The following SERPINB5 variants were observed in gnomAD, a reference collection of about 807,000 sequenced individuals.
SERPINB5 encodes serpin B5.
Under a neutral mutation model 32.2 loss-of-function variants are expected in SERPINB5, and 27 were observed. That is an observed-to-expected ratio of 0.84 (90% CI 0.62 to 1.16). The LOEUF is 1.16. SERPINB5 is among the 50% of genes most tolerant of loss of function. The probability of loss-of-function intolerance (pLI) is 0.00; values close to 1 mark genes in which losing one functional copy is unlikely to be tolerated. For synonymous variants in SERPINB5, 154 were observed against 157.4 expected (o/e 0.98, Z 0.16); for missense variants, 388 against 436.3 (o/e 0.89, Z 0.99).
chr18:63,487,961 G>A (rs1490115960), intron 3 of SERPINB5, among the ~76,000 whole-genome samples: 9 of 151,572 alleles, frequency 5.9e-5, no homozygotes, highest in African/African-American at 1.9e-4. Flanking sequence ...TATATTTTTT[G>A]TTGCTTAAAG....
At chr18:63,499,047 G>GTGTATATATATA (rs376117295) in intron 5 of SERPINB5, 73 bp from the exon 6 acceptor site, 152 of 497,822 alleles carry the variant, frequency 3.1e-4, no homozygotes, top group East Asian at 1.5e-3. Flanking sequence ...GCGCGTGTGT[G>GTGTATATATATA]TATATATATA....
intron 5 of SERPINB5, among the ~76,000 whole-genome samples, chr18:63,497,608 A>G (rs1328740747): frequency 6.6e-6 from 1 of 152,202 alleles, no homozygotes; most frequent in African/African-American, 2.4e-5. Flanking sequence ...TTTAAAAATT[A>G]TGCAATACTC....
chr18:63,497,440 C>A, intron 5 of SERPINB5: 1 of 795,966 alleles, frequency 1.3e-6, no homozygotes, highest in Non-Finnish European at 2.1e-6. Context: ...GCTGCTGCGG[C>A]TGCACACCAT....
Position 63,504,618 on chromosome 18 carries a change from C to T in SERPINB5, c.*896C>T, listed in dbSNP as rs1909641284. ...TCACTTTCATTTTTGATAGCTGTCC[C>T]ATCTGGTCATTTGGTTGGCACTAGA... On this transcript the variant is annotated 3_prime_UTR_variant, in exon 7 of 7. Transcript: ENST00000382771. The T allele has an allele frequency of 6.6e-6, 1 of 152,148 alleles. No individual in the cohort carries two copies. The highest frequency in any genetic ancestry group is 6.6e-5 in the Admixed American group (1 of 15,258). 9.4% of individuals were successfully genotyped at this position (152,148 alleles called of 1,614,324 possible).
intron 2 of SERPINB5, chr18:63,485,509 A>T (rs1226727848): frequency 6.6e-6 from 1 of 152,264 alleles, no homozygotes; most frequent in African/African-American, 2.4e-5. Flanking sequence ...TGAAGAATTT[A>T]CACTTGGGAC....
intron 5 of SERPINB5, chr18:63,497,203 G>T: frequency 1.4e-6 from 1 of 699,402 alleles, no homozygotes. Flanking sequence ...GTTTATTGGT[G>T]CTGAGGCAGA....
chr18:63,499,599 G>A (rs1331636126), intron 6 of SERPINB5, among the ~76,000 whole-genome samples: 2 of 152,212 alleles, frequency 1.3e-5, no homozygotes, highest in Non-Finnish European at 2.9e-5. Flanking sequence ...CAGTGAGGGA[G>A]CTGAGGCACA....
At chr18:63,496,056 T>C (rs754927475) in intron 5 of SERPINB5, among the ~76,000 whole-genome samples, 13 of 152,214 alleles carry the variant, frequency 8.5e-5, no homozygotes, top group Admixed American at 3.3e-4. Flanking sequence ...TATCCATATA[T>C]ATCTATATTA....
At chr18:63,481,014 G>A (rs557723784) in intron 1 of SERPINB5, among the ~76,000 whole-genome samples, 1 of 152,300 alleles carries the variant, frequency 6.6e-6, no homozygotes, top group East Asian at 1.9e-4. Context: ...GCATGCAAAG[G>A]AAGGGACTCA....
intron 1 of SERPINB5, among the ~76,000 whole-genome samples, chr18:63,481,739 T>C (rs1917130237): frequency 6.6e-6 from 1 of 152,246 alleles, no homozygotes; most frequent in Non-Finnish European, 1.5e-5. Flanking sequence ...AAGAGTTTCT[T>C]TATGTTTTCC....
chr18:63,482,919 T>C (rs1917147470), intron 1 of SERPINB5, among the ~76,000 whole-genome samples: 1 of 138,256 alleles, frequency 7.2e-6, no homozygotes, highest in South Asian at 2.2e-4. Context: ...TGATATTGTT[T>C]TTCATTTTTG....
chr18:63,498,689 C>T lies in SERPINB5; in HGVS notation c.568-431C>T, dbSNP rs1909501561. Among the ~76,000 whole-genome samples, 1 of 151,888 alleles carries T rather than the reference C, an allele frequency of 6.6e-6. No individual in the cohort carries two copies. Among genetic ancestry groups the T allele is most frequent in the Non-Finnish European group, 1.5e-5 (1 of 67,990 alleles). On this transcript the variant is annotated intron_variant, in intron 5 of 6. Transcript: ENST00000382771. This position sits in a 1 kb window ranked among gnomAD's most constrained non-coding sequence, Gnocchi z 4.2. ...GGTTTCAGTGCAATACAGTTTGGAT[C>T]TGAGTGGATGATGAATTATAAGCCA...
chr18:63,489,142 T>G (rs1489455982), intron 3 of SERPINB5, among the ~76,000 whole-genome samples: 2 of 152,270 alleles, frequency 1.3e-5, no homozygotes, highest in Non-Finnish European at 2.9e-5. Context: ...ATTTAATAAT[T>G]GAAATTGTCT....
At chr18:63,495,966 G>T (rs950308942) in intron 5 of SERPINB5, among the ~76,000 whole-genome samples, 4 of 152,154 alleles carry the variant, frequency 2.6e-5, no homozygotes, top group African/African-American at 4.8e-5. Context: ...GCCCCGTGGT[G>T]TCTCCGGTAA....
intron 1 of SERPINB5, among the ~76,000 whole-genome samples, chr18:63,483,564 G>A (rs148159987): frequency 3.3e-5 from 5 of 152,314 alleles, no homozygotes; most frequent in African/African-American, 1.2e-4. Flanking sequence ...TGACGATGTC[G>A]GCAGGGTCAT....
At chr18:63,493,360 T>G (rs1187965330) in intron 5 of SERPINB5, 1 of 568,858 alleles carries the variant, frequency 1.8e-6, no homozygotes, top group Non-Finnish European at 3.1e-6. Flanking sequence ...GAAAGCTAAG[T>G]CACCAGCTGA....
chr18:63,502,123 G>GAA (rs1568113136), intron 6 of SERPINB5, among the ~76,000 whole-genome samples: 3 of 148,044 alleles, frequency 2.0e-5, no homozygotes, highest in African/African-American at 7.5e-5. Flanking sequence ...ATGACCTTTT[G>GAA]AGTTTTGGAA....
chr18:63,492,809 T>G (rs1169632040), intron 4 of SERPINB5, 144 bp from the exon 5 acceptor site: 1 of 995,970 alleles, frequency 1.0e-6, no homozygotes, highest in Non-Finnish European at 1.5e-6. Context: ...AAAGGAGTCC[T>G]TCTGAAATTT....
chr18:63,485,375 G>A lies in SERPINB5; in HGVS notation c.168+779G>A, dbSNP rs564256894. 3.9e-5 allele frequency among the ~76,000 whole-genome samples: 6 copies of A among 152,128 alleles called. No homozygotes were observed. The South Asian group carries it at 1.2e-3, about 32-fold the overall frequency. ...AATTCTATTTCATTATTACTCTTATGCTAATCATTCTAGGTTCAATAGAAT... is the reference window on the plus strand; with the variant it reads ...AATTCTATTTCATTATTACTCTTATACTAATCATTCTAGGTTCAATAGAAT... On this transcript the variant is annotated intron_variant, in intron 2 of 6. Transcript: ENST00000382771.
Sources: allele counts gnomAD v4.1 joint callset (sites outside exome capture counted in the v4.1 genomes callset), GRCh38; gene constraint gnomAD v4.1.1; non-coding constraint Gnocchi (gnomAD v3.1); transcripts MANE v1.5; gene names NCBI Gene and HGNC (gene_info 2026-07-23, HGNC 2026-07-21).